The following ZFHX3 variants were observed in gnomAD, a reference collection of about 807,000 sequenced individuals.
ZFHX3 encodes zinc finger homeobox protein 3.
In ZFHX3, 42 loss-of-function variants were observed where a neutral mutation model predicts 279.1. The observed-to-expected ratio is 0.15, with a 90% CI of 0.12 to 0.19. ZFHX3 has a LOEUF of 0.19. Among genes scored for constraint, ZFHX3 ranks in the 10% least tolerant of loss-of-function variants. The probability of loss-of-function intolerance (pLI) is 1.00; values close to 1 mark genes in which losing one functional copy is unlikely to be tolerated. For missense variants in ZFHX3, 4,981 were observed against 4,754.0 expected, an observed-to-expected ratio of 1.05 and a Z score of -1.40; for synonymous variants, 2,293 against 1,957.8, an observed-to-expected ratio of 1.17 and a Z score of -4.52.
chr16:73,516,183 A>G (rs1365552667), intron 2 of ZFHX3, among the ~76,000 whole-genome samples: 2 of 152,220 alleles, frequency 1.3e-5, no homozygotes, highest in Non-Finnish European at 2.9e-5. Flanking sequence ...GCTAAGTATA[A>G]TCACTGCGAG....
At chr16:73,000,921 A>G (rs986700788) in intron 1 of ZFHX3, among the ~76,000 whole-genome samples, 1 of 152,172 alleles carries the variant, frequency 6.6e-6, no homozygotes, top group African/African-American at 2.4e-5. Flanking sequence ...TGACACTTGA[A>G]CAAACTGTCG....
At chr16:73,306,764 C>T (rs1004779884) in intron 4 of ZFHX3, among the ~76,000 whole-genome samples, 4 of 152,200 alleles carry the variant, frequency 2.6e-5, no homozygotes, top group African/African-American at 9.7e-5. Context: ...GCTGCTAGAC[C>T]CTCCCACAGG....
chr16:73,109,693 A>G (rs1886512756), intron 7 of ZFHX3, among the ~76,000 whole-genome samples: 2 of 152,126 alleles, frequency 1.3e-5, no homozygotes, highest in South Asian at 4.1e-4. Flanking sequence ...TACAAAAACC[A>G]CAAAAATTAG....
intron 3 of ZFHX3, among the ~76,000 whole-genome samples, chr16:72,906,217 G>GT (rs1645776407): frequency 6.6e-6 from 1 of 151,770 alleles, no homozygotes; most frequent in Admixed American, 6.6e-5. Flanking sequence ...CCGGGAAAAC[G>GT]TTTTAAAACT....
At chr16:72,819,049 G>A (rs2036701173) in intron 5 of ZFHX3, among the ~76,000 whole-genome samples, 2 of 152,110 alleles carry the variant, frequency 1.3e-5, no homozygotes, top group South Asian at 2.1e-4. Flanking sequence ...TTATTATTAC[G>A]ATTTTACTTT....
chr16:73,509,790 G>T (rs1375915563), intron 2 of ZFHX3, among the ~76,000 whole-genome samples: 2 of 151,346 alleles, frequency 1.3e-5, no homozygotes, highest in Admixed American at 1.3e-4. Flanking sequence ...CCACCCCCGG[G>T]GTTCAAGCAA....
At chr16:72,800,427 G>A (rs929843232) in intron 7 of ZFHX3, among the ~76,000 whole-genome samples, 1 of 152,110 alleles carries the variant, frequency 6.6e-6, no homozygotes, top group African/African-American at 2.4e-5. Context: ...TTTGTCATGG[G>A]CTGTGAAACT....
At chr16:73,092,716 T>C (rs1966101472) in intron 8 of ZFHX3, 1 of 332,684 alleles carries the variant, frequency 3.0e-6, no homozygotes, top group African/African-American at 2.2e-5. Flanking sequence ...TCTCGCGCTC[T>C]GGGAGAGCGC....
intron 3 of ZFHX3, among the ~76,000 whole-genome samples, chr16:72,934,907 A>G (rs1960038370): frequency 6.6e-6 from 1 of 152,202 alleles, no homozygotes; most frequent in Admixed American, 6.5e-5. Context: ...TGGATTACGA[A>G]ATCAGGATCA....
chr16:73,043,392 T>C (rs959119883), intron 1 of ZFHX3, among the ~76,000 whole-genome samples: 1 of 152,186 alleles, frequency 6.6e-6, no homozygotes, highest in Non-Finnish European at 1.5e-5. Flanking sequence ...ACAGAAGTCT[T>C]GCTTCAAAAT....
intron 7 of ZFHX3, among the ~76,000 whole-genome samples, chr16:73,106,990 A>G (rs1274875397): frequency 1.3e-5 from 2 of 152,306 alleles, no homozygotes; most frequent in Middle Eastern, 3.4e-3. Flanking sequence ...GTAATACCAA[A>G]AAAGCAAGCA....
chr16:73,091,482 T>G (rs1213829182), intron 8 of ZFHX3, among the ~76,000 whole-genome samples: 5 of 152,154 alleles, frequency 3.3e-5, no homozygotes, highest in African/African-American at 1.2e-4. Context: ...ACTCCTGTGC[T>G]GGCGACACTT....
intron 5 of ZFHX3, among the ~76,000 whole-genome samples, chr16:73,249,872 G>A (rs928603761): frequency 6.7e-6 from 1 of 148,824 alleles, no homozygotes; most frequent in Non-Finnish European, 1.5e-5. Context: ...ACCAATCAGT[G>A]CAATTAAGGA....
chr16:73,811,903 C>G (rs1332324628), intron 1 of ZFHX3, among the ~76,000 whole-genome samples: 1 of 152,156 alleles, frequency 6.6e-6, no homozygotes, highest in East Asian at 1.9e-4. Flanking sequence ...GAACACAACT[C>G]TAGTTGAATG....
chr16:73,454,905 A>T (rs1367838048), intron 3 of ZFHX3, among the ~76,000 whole-genome samples: 1 of 122,240 alleles, frequency 8.2e-6, no homozygotes, highest in Non-Finnish European at 1.6e-5. Context: ...TAAGACAGTT[A>T]AAAAAAAAAA....
chr16:73,726,944 CAA>C (rs1463493549), intron 1 of ZFHX3, among the ~76,000 whole-genome samples: 1 of 152,152 alleles, frequency 6.6e-6, no homozygotes, highest in African/African-American at 2.4e-5. Context: ...GTTGGGATCC[CAA>C]AAAGTCTTCA....
chr16:73,833,071 CT>C (rs1197298563), intron 1 of ZFHX3, among the ~76,000 whole-genome samples: 1 of 152,182 alleles, frequency 6.6e-6, no homozygotes, highest in Admixed American at 6.5e-5. Context: ...TTTACATAGG[CT>C]TCTAGCAATT....
At chr16:73,038,692 T>C (rs1040580277) in intron 1 of ZFHX3, among the ~76,000 whole-genome samples, 1 of 152,058 alleles carries the variant, frequency 6.6e-6, no homozygotes, top group Non-Finnish European at 1.5e-5. Context: ...TCTCTCTCTC[T>C]CTCTATTGGA....
intron 1 of ZFHX3, among the ~76,000 whole-genome samples, chr16:72,967,830 A>AG (rs1206824272): frequency 2.6e-5 from 4 of 151,250 alleles, no homozygotes; most frequent in Non-Finnish European, 4.4e-5. Context: ...CAGGAGGCTG[A>AG]GGCAGGAGAA....
Sources: allele counts gnomAD v4.1 joint callset (sites outside exome capture counted in the v4.1 genomes callset), GRCh38; gene constraint gnomAD v4.1.1; transcripts MANE v1.5; gene names NCBI Gene and HGNC (gene_info 2026-07-23, HGNC 2026-07-21).